RAD51B: variants seen among roughly 807,000 people sequenced by gnomAD.
RAD51B encodes RAD51 paralog B.
Under a neutral mutation model 42.2 loss-of-function variants are expected in RAD51B, and 38 were observed. The observed-to-expected ratio is 0.90, with a 90% confidence interval of 0.70 to 1.18. The LOEUF is 1.18. Among genes scored for constraint, RAD51B ranks in the 50% most tolerant of loss-of-function variants. The pLI is 0.00. For missense variants in RAD51B, 373 were observed against 400.7 expected (o/e 0.93, Z 0.59); for synonymous variants, 154 against 145.2 (o/e 1.06, Z -0.43).
At chr14:68,411,902 A>G (rs953028076) in intron 9 of RAD51B, among the ~76,000 whole-genome samples, 2 of 152,230 alleles carry the variant, frequency 1.3e-5, no homozygotes, top group Admixed American at 6.5e-5. Context: ...TTCTTGAAGT[A>G]TGTGTACTTT....
At chr14:68,247,020 T>A (rs1186864136) in intron 7 of RAD51B, among the ~76,000 whole-genome samples, 1 of 152,170 alleles carries the variant, frequency 6.6e-6, no homozygotes, top group East Asian at 1.9e-4. Context: ...TCATGCCCAG[T>A]AAGAAGTAAA....
At chr14:68,002,795 C>T (rs529595722) in intron 7 of RAD51B, among the ~76,000 whole-genome samples, 1 of 152,254 alleles carries the variant, frequency 6.6e-6, no homozygotes, top group Non-Finnish European at 1.5e-5. Context: ...CTCCTTTTCC[C>T]ATTGCTTGTT....
chr14:68,402,020 C>T (rs888298430), intron 8 of RAD51B, among the ~76,000 whole-genome samples: 1 of 152,090 alleles, frequency 6.6e-6, no homozygotes, highest in Non-Finnish European at 1.5e-5. Context: ...AGACCATTGT[C>T]AATTTTAGAG....
intron 9 of RAD51B, among the ~76,000 whole-genome samples, chr14:68,445,802 C>A (rs771325387): frequency 8.5e-5 from 13 of 152,168 alleles, no homozygotes; most frequent in South Asian, 2.1e-4. Context: ...AAGTCATGAG[C>A]AGGTATACAG....
chr14:68,393,302 T>C (rs1413490510), intron 8 of RAD51B, among the ~76,000 whole-genome samples: 1 of 152,234 alleles, frequency 6.6e-6, no homozygotes, highest in Non-Finnish European at 1.5e-5. Context: ...ATTCCGCTTC[T>C]CCAGTTTCTT....
intron 1 of RAD51B, among the ~76,000 whole-genome samples, chr14:67,822,636 T>C (rs1424548915): frequency 6.6e-6 from 1 of 151,932 alleles, no homozygotes; most frequent in African/African-American, 2.4e-5. Flanking sequence ...GGTAGGAGGA[T>C]TGCTTGAGCC....
At chr14:68,137,483 A>G (rs1194806224) in intron 7 of RAD51B, among the ~76,000 whole-genome samples, 1 of 152,182 alleles carries the variant, frequency 6.6e-6, no homozygotes, top group African/African-American at 2.4e-5. Flanking sequence ...ACCTCTTTCC[A>G]ATTCTATTAA....
At chr14:68,615,438 C>A (rs142975580), downstream of RAD51B, among the ~76,000 whole-genome samples, 3 of 151,920 alleles carry the variant, frequency 2.0e-5, no homozygotes, top group Admixed American at 6.6e-5. Flanking sequence ...CTCTGCCTCC[C>A]GGGTTCACAC....
chr14:67,952,215 G>GAA (rs35656945), intron 7 of RAD51B, among the ~76,000 whole-genome samples: 38,953 of 144,778 alleles, frequency 0.27, 6,366 homozygotes, highest in African/African-American at 0.47. Context: ...TTCATTTATA[G>GAA]AAAAAAAAAA....
chr14:67,869,387 A>G (rs984110513), intron 5 of RAD51B, among the ~76,000 whole-genome samples: 36 of 152,286 alleles, frequency 2.4e-4, no homozygotes, highest in African/African-American at 8.2e-4. Context: ...GTTTAGAGAA[A>G]AAAGAATAAA....
intron 7 of RAD51B, among the ~76,000 whole-genome samples, chr14:68,148,531 C>G (rs574704089): frequency 1.7e-4 from 26 of 152,218 alleles, no homozygotes; most frequent in Admixed American, 3.3e-4. Context: ...TGTTCCCCAA[C>G]TTACAATGGT....
chr14:68,080,745 C>A (rs77026437), intron 7 of RAD51B, among the ~76,000 whole-genome samples: 3 of 152,160 alleles, frequency 2.0e-5, no homozygotes, highest in Admixed American at 1.3e-4. Flanking sequence ...GATGTTTTAC[C>A]GTGATCCTCA....
chr14:68,143,433 G>A (rs2078178004), intron 7 of RAD51B, among the ~76,000 whole-genome samples: 1 of 152,158 alleles, frequency 6.6e-6, no homozygotes, highest in Admixed American at 6.5e-5. Context: ...ATACAAATGG[G>A]CCAGCGGCCA....
At chr14:68,271,252 T>C (rs2081098788) in intron 7 of RAD51B, among the ~76,000 whole-genome samples, 1 of 151,834 alleles carries the variant, frequency 6.6e-6, no homozygotes, top group Admixed American at 6.5e-5. Context: ...CCCAAGTGCC[T>C]ACAGCAGTGC....
intron 10 of RAD51B, chr14:68,540,767 TGA>T (rs934052096): frequency 2.0e-5 from 20 of 985,200 alleles, no homozygotes; most frequent in Non-Finnish European, 2.3e-5. Context: ...TGACAGCTTG[TGA>T]GGACTCCAAG....
rs2085102013 is a variant in RAD51B at position 68,434,657 on chromosome 14, C to T, written c.957+23130C>T. On this transcript the variant is annotated intron_variant, in intron 9 of 10. Coordinates refer to ENST00000471583, the MANE Select transcript of RAD51B (RefSeq NM_133510.4). ...TGCTGTCGGTCACAGCTTCCCTTGG[C>T]TAGGAAAGAGAATTCCCTGACCCCT... 4.6e-5 allele frequency among the ~76,000 whole-genome samples: 7 copies of T among 152,174 alleles called. 1 individual carries two copies. In the South Asian group the frequency reaches 1.4e-3, roughly 31 times the overall value.
chr14:68,002,507 T>C (rs1209619072), intron 7 of RAD51B, among the ~76,000 whole-genome samples: 10 of 152,212 alleles, frequency 6.6e-5, no homozygotes, highest in African/African-American at 2.4e-4. Flanking sequence ...GATGATAGTT[T>C]CTTTTGCTGT....
At chr14:67,916,998 G>A (rs557238778) in intron 7 of RAD51B, among the ~76,000 whole-genome samples, 2 of 152,308 alleles carry the variant, frequency 1.3e-5, no homozygotes, top group South Asian at 4.1e-4. Flanking sequence ...AAGAAAGGAG[G>A]TGCAGAATTA....
chr14:68,547,690 C>T (rs1594962011), intron 10 of RAD51B, among the ~76,000 whole-genome samples: 1 of 152,184 alleles, frequency 6.6e-6, no homozygotes, highest in African/African-American at 2.4e-5. Context: ...TACAAGTGAG[C>T]AGGTCATGAG....
Sources: allele counts gnomAD v4.1 joint callset (sites outside exome capture counted in the v4.1 genomes callset), GRCh38; gene constraint gnomAD v4.1.1; transcripts MANE v1.5; gene names NCBI Gene and HGNC (gene_info 2026-07-23, HGNC 2026-07-21).